Variants in SNTG2 observed in about 807,000 individuals in gnomAD.
SNTG2 encodes the protein gamma-2-syntrophin.
In SNTG2, 74 loss-of-function variants were observed where a neutral mutation model predicts 70.9. The observed-to-expected ratio is 1.04, with a 90% CI of 0.86 to 1.27. The LOEUF (loss-of-function observed/expected upper bound fraction) is 1.27, where lower values mean the gene tolerates loss of function less well. Ranked by LOEUF, SNTG2 falls within the 50% of genes most tolerant of loss-of-function variation. The probability of loss-of-function intolerance (pLI) is 0.00; values close to 1 mark genes in which losing one functional copy is unlikely to be tolerated. For synonymous variants in SNTG2, 278 were observed against 273.8 expected (o/e 1.02, Z -0.15); for missense variants, 717 against 690.7 (o/e 1.04, Z -0.43).
intron 1 of SNTG2, among the ~76,000 whole-genome samples, chr2:976,687 C>T (rs550808339): frequency 2.0e-5 from 3 of 152,172 alleles, no homozygotes; most frequent in Non-Finnish European, 4.4e-5. Context: ...TAATGTCATC[C>T]CTACACATTT....
At chr2:1,190,503 A>C (rs1461636378) in intron 8 of SNTG2, among the ~76,000 whole-genome samples, 58 of 55,406 alleles carry the variant, frequency 1.0e-3, no homozygotes, top group Non-Finnish European at 1.9e-3. Context: ...GACTATATAT[A>C]TATATATATA....
At chr2:1,116,551 T>G (rs189144376) in intron 4 of SNTG2, among the ~76,000 whole-genome samples, 1 of 143,288 alleles carries the variant, frequency 7.0e-6, no homozygotes, top group African/African-American at 2.6e-5. Context: ...CCCTGGTGTG[T>G]GGGTGCTCTG....
At chr2:1,056,228 G>GGGGA (rs1421345348) in intron 1 of SNTG2, among the ~76,000 whole-genome samples, 1 of 143,110 alleles carries the variant, frequency 7.0e-6, no homozygotes, top group Non-Finnish European at 1.5e-5. Flanking sequence ...AGAGTGCATG[G>GGGGA]GGGAGGGAGG....
chr2:1,113,937 C>T (rs554629086), intron 4 of SNTG2, among the ~76,000 whole-genome samples: 2 of 149,966 alleles, frequency 1.3e-5, no homozygotes, highest in African/African-American at 4.9e-5. Context: ...TGAGGAGGAT[C>T]GTGTTTCCTA....
Position 1,234,835 on chromosome 2 carries a change from A to T in SNTG2, c.720-3053A>T, listed in dbSNP as rs1182110530. 2.0e-5 allele frequency among the ~76,000 whole-genome samples: 3 copies of T among 152,232 alleles called. No homozygotes were observed. The East Asian group carries it at 5.8e-4, about 29-fold the overall frequency. On this transcript the variant is annotated intron_variant, in intron 9 of 16. Coordinates refer to ENST00000308624, the MANE Select transcript of SNTG2 (RefSeq NM_018968.4). ...TACATCAATGATGGTGTAAACCTCC[A>T]AAGGCAGAGTTAGGACTCTGGACTC...
intron 4 of SNTG2, 107 bp from the exon 5 acceptor site, chr2:1,137,515 C>CACAT: frequency 8.6e-7 from 1 of 1,160,872 alleles, no homozygotes; most frequent in Non-Finnish European, 1.2e-6. Context: ...CACACACACA[C>CACAT]ACGTGGCCAC....
intron 14 of SNTG2, among the ~76,000 whole-genome samples, chr2:1,282,293 C>T (rs1679581642): frequency 6.6e-6 from 1 of 152,174 alleles, no homozygotes; most frequent in Non-Finnish European, 1.5e-5. Context: ...ATTTTCATTC[C>T]ATACTACTAG....
intron 12 of SNTG2, among the ~76,000 whole-genome samples, chr2:1,254,215 G>A (rs1049750869): frequency 4.6e-5 from 7 of 152,196 alleles, no homozygotes; most frequent in East Asian, 1.9e-4. Context: ...CAGTTGTTCC[G>A]TGAGGAGGGC....
At chr2:1,094,009 C>T (rs1252176314) in intron 2 of SNTG2, among the ~76,000 whole-genome samples, 33 of 87,308 alleles carry the variant, frequency 3.8e-4, no homozygotes, top group Non-Finnish European at 5.3e-4. Context: ...TAGGTGTGTC[C>T]TCATATGGTA....
chr2:980,675 C>G (rs1572186543), intron 1 of SNTG2, among the ~76,000 whole-genome samples: 2 of 147,994 alleles, frequency 1.4e-5, no homozygotes, highest in East Asian at 3.9e-4. Context: ...GGGGATAGGC[C>G]TAGTGTTTAT....
chr2:1,192,602 A>C (rs773621469), intron 8 of SNTG2, among the ~76,000 whole-genome samples: 1 of 152,258 alleles, frequency 6.6e-6, no homozygotes, highest in Non-Finnish European at 1.5e-5. Context: ...AAATAATAAT[A>C]ATAATCATCA....
At chr2:1,140,018 G>A (rs892692211) in intron 6 of SNTG2, among the ~76,000 whole-genome samples, 8 of 151,972 alleles carry the variant, frequency 5.3e-5, no homozygotes, top group South Asian at 4.2e-4. Context: ...CAATTTTTCC[G>A]ATGCATAAAG....
rs139628974 is a variant in SNTG2, at chr2:957,654, T to C, written c.72+6586T>C. ...CAGGGCAGCTACAATGTGTTCCCTC[T>C]TCTATAGATGAGGTCGGGCAACATT... is the stretch of plus-strand genomic sequence containing the variant. On this transcript the variant is annotated intron_variant, in intron 1 of 16. Coordinates refer to ENST00000308624, the MANE Select transcript of SNTG2 (RefSeq NM_018968.4). 7.4e-3 allele frequency among the ~76,000 whole-genome samples: 1,122 copies of C among 152,132 alleles called. 16 individuals carry two copies. The highest frequency in any genetic ancestry group is 0.026 in the African/African-American group (1,064 of 41,508).
At chr2:1,009,112 C>T (rs1415701667) in intron 1 of SNTG2, among the ~76,000 whole-genome samples, 4 of 152,232 alleles carry the variant, frequency 2.6e-5, no homozygotes, top group Non-Finnish European at 5.9e-5. Context: ...GCTCTAAAGG[C>T]AGTCACGTCT....
At chr2:1,085,137 AT>A (rs1189624836) in intron 2 of SNTG2, among the ~76,000 whole-genome samples, 1 of 152,222 alleles carries the variant, frequency 6.6e-6, no homozygotes, top group African/African-American at 2.4e-5. Context: ...ATCACTAACC[AT>A]TATTTTTTTT....
chr2:1,045,663 T>C (rs1316115535), intron 1 of SNTG2, among the ~76,000 whole-genome samples: 1 of 152,202 alleles, frequency 6.6e-6, no homozygotes, highest in Non-Finnish European at 1.5e-5. Context: ...GGCAGATTTT[T>C]TAATTTCAGT....
intron 6 of SNTG2, among the ~76,000 whole-genome samples, chr2:1,153,698 A>G (rs541953036): frequency 2.0e-5 from 3 of 152,366 alleles, no homozygotes. Flanking sequence ...ACAAGTGGAT[A>G]ATAACTAATT....
intron 1 of SNTG2, among the ~76,000 whole-genome samples, chr2:981,332 T>G (rs1466316107): frequency 6.6e-6 from 1 of 152,242 alleles, no homozygotes; most frequent in African/African-American, 2.4e-5. Flanking sequence ...CATTGTAGTA[T>G]ATAATGTTGC....
chr2:1,137,672 A>T lies in SNTG2; in HGVS notation c.369+7A>T. The T allele has an allele frequency of 6.2e-7, 1 of 1,613,848 alleles. No homozygotes were observed. The highest frequency in any genetic ancestry group is 8.5e-7 in the Non-Finnish European group (1 of 1,179,842). Reference sequence around the variant, plus strand: ...AGGAGATGCTGTTCTCCAGGTCAGTATTGTACACGTTAATCCTTAACTTGA... The same window carrying T: ...AGGAGATGCTGTTCTCCAGGTCAGTTTTGTACACGTTAATCCTTAACTTGA... On this transcript the variant is annotated splice_region_variant and intron_variant, in intron 5 of 16. Transcript: ENST00000308624.
Sources: allele counts gnomAD v4.1 joint callset (sites outside exome capture counted in the v4.1 genomes callset), GRCh38; gene constraint gnomAD v4.1.1; transcripts MANE v1.5; gene names NCBI Gene and HGNC (gene_info 2026-07-23, HGNC 2026-07-21).